PRKCZ: variants seen among roughly 807,000 people sequenced by gnomAD.
PRKCZ encodes the protein protein kinase C zeta, also known as protein kinase C zeta type.
Under a neutral mutation model 79.5 loss-of-function variants are expected in PRKCZ, and 33 were observed. The ratio of observed to expected loss-of-function variants is 0.41; its 90% CI spans 0.31 to 0.55. PRKCZ has a LOEUF of 0.55. PRKCZ is among the 20% of genes least tolerant of loss of function. The pLI is 0.19. For missense variants in PRKCZ, 578 were observed against 813.5 expected, an observed-to-expected ratio of 0.71 and a Z score of 3.52; for synonymous variants, 342 against 320.9, an observed-to-expected ratio of 1.07 and a Z score of -0.70.
chr1:2,095,454 A>C (rs2102526657), intron 4 of PRKCZ, among the ~76,000 whole-genome samples: 1 of 152,222 alleles, frequency 6.6e-6, no homozygotes, highest in South Asian at 2.1e-4. Flanking sequence ...GTGCCCACCG[A>C]GGGCCCAGGG....
intron 11 of PRKCZ, among the ~76,000 whole-genome samples, chr1:2,171,203 T>C (rs897833752): frequency 6.6e-6 from 1 of 151,154 alleles, no homozygotes; most frequent in African/African-American, 2.4e-5. Context: ...ATTATCCAGG[T>C]GTGGTGGCGG....
chr1:2,146,087 C>T lies in PRKCZ; in HGVS notation c.613C>T (p.Pro205Ser), dbSNP rs780788418. ...CGACAAGAACGAGGACGCCGACCTT[C>T]CTTCCGAGGAGACAGATGGAAGTAG... ...VDDKNEDADL[P>S]SEETDGIAYI... Residue 205 changes from proline (P) to serine (S), a missense_variant, in exon 7 of 18, where the codon CCT becomes TCT. Physicochemically the swap from Pro to Ser is moderately conservative, Grantham distance 74. This residue lies in a region of PRKCZ where 91 missense variants were observed against 97.5 expected (regional missense o/e 0.93). Coordinates refer to ENST00000378567, the MANE Select transcript of PRKCZ (RefSeq NM_002744.6). The T allele has an allele frequency of 6.2e-6, 10 of 1,614,068 alleles. No homozygotes were observed. The South Asian group carries it at 1.1e-4, about 18-fold the overall frequency.
intron 4 of PRKCZ, among the ~76,000 whole-genome samples, chr1:2,078,501 C>T (rs1297886830): frequency 6.6e-6 from 1 of 152,124 alleles, no homozygotes; most frequent in Admixed American, 6.6e-5. Flanking sequence ...CTTCAGGGTT[C>T]TCAAGTTTCA....
At chr1:2,096,784 G>T (rs1010491348) in intron 4 of PRKCZ, among the ~76,000 whole-genome samples, 3 of 152,174 alleles carry the variant, frequency 2.0e-5, no homozygotes, top group Admixed American at 6.5e-5. Flanking sequence ...CGAGGTCAGG[G>T]GCAGCCAAGG....
intron 4 of PRKCZ, chr1:2,104,809 G>A: frequency 7.1e-6 from 7 of 985,972 alleles, no homozygotes; most frequent in Non-Finnish European, 8.4e-6. Flanking sequence ...AGGGAGAGTT[G>A]GAGGGCGCTT....
chr1:2,088,652 T>G (rs1316531995), intron 4 of PRKCZ, among the ~76,000 whole-genome samples: 2 of 152,162 alleles, frequency 1.3e-5, no homozygotes, highest in Non-Finnish European at 2.9e-5. Flanking sequence ...CACCTCTCCT[T>G]TCTAGGTCAG....
At chr1:2,118,426 C>G (rs987716628) in intron 4 of PRKCZ, among the ~76,000 whole-genome samples, 1 of 151,802 alleles carries the variant, frequency 6.6e-6, no homozygotes. Flanking sequence ...CAAGCTCTGC[C>G]TCCTGGGTTC....
At chr1:2,112,847 G>A (rs1278919258) in intron 4 of PRKCZ, among the ~76,000 whole-genome samples, 1 of 152,144 alleles carries the variant, frequency 6.6e-6, no homozygotes, top group Non-Finnish European at 1.5e-5. Context: ...TCGCCACCAT[G>A]TCTGGCTATT....
rs988384476 is a variant in PRKCZ, at chr1:2,106,777, C to T, written c.335-28485C>T. On this transcript the variant is annotated intron_variant, in intron 4 of 17. Coordinates refer to ENST00000378567, the MANE Select transcript of PRKCZ (RefSeq NM_002744.6). ...CCCCTCTGGTGGGCGAGGACCTCCA[C>T]ACGTGTCACCAGGCCAGGTGACTCT... 3.1e-3 allele frequency among the ~76,000 whole-genome samples: 362 copies of T among 117,596 alleles called. 27 individuals are homozygous for T. Among genetic ancestry groups the T allele is most frequent in the South Asian group, 6.7e-3 (24 of 3,590 alleles). The allele number at this position is 117,596 out of a possible 152,430, so 77.1% of individuals were successfully genotyped here.
At position 2,104,725 on chromosome 1, in the gene PRKCZ, CTCGG is replaced by C. The variant is rs1396516641; in HGVS notation, c.335-30535_335-30532del. The C allele has an allele frequency of 1.5e-4, 150 of 985,760 alleles. No homozygotes were observed. In the African/African-American group the frequency reaches 2.5e-3, roughly 16 times the overall value. 61.1% of individuals were successfully genotyped at this position (985,760 alleles called of 1,614,324 possible). On this transcript the variant is annotated intron_variant, in intron 4 of 17. Transcript: ENST00000378567. ...CTGGCGAGGGGTGGTCAGAACATCGCTCGGTGCCAGACAGGCAGGACGCAGCGGG... is the reference window on the plus strand; with the variant it reads ...CTGGCGAGGGGTGGTCAGAACATCGCTGCCAGACAGGCAGGACGCAGCGGG...
intron 4 of PRKCZ, among the ~76,000 whole-genome samples, chr1:2,081,043 TG>T (rs1663408011): frequency 6.6e-6 from 1 of 152,322 alleles, no homozygotes; most frequent in South Asian, 2.1e-4. Flanking sequence ...GCGGTGTGTT[TG>T]TCGGCTCACA....
intron 4 of PRKCZ, among the ~76,000 whole-genome samples, chr1:2,083,772 ATTC>A (rs1416372336): frequency 1.1e-4 from 16 of 151,968 alleles, no homozygotes; most frequent in African/African-American, 2.4e-4. Flanking sequence ...AAACGTGGGT[ATTC>A]TTCTTTGATA....
intron 5 of PRKCZ, chr1:2,143,993 T>G (rs1677953164): frequency 1.7e-6 from 1 of 587,060 alleles, no homozygotes. Flanking sequence ...TCCAGGCCTC[T>G]CCTTGGGGCC....
chr1:2,103,505 C>A (rs936579574), intron 4 of PRKCZ, among the ~76,000 whole-genome samples: 1 of 152,150 alleles, frequency 6.6e-6, no homozygotes, highest in Non-Finnish European at 1.5e-5. Flanking sequence ...GCTGCCCCCA[C>A]CCCAGCCCAA....
At chr1:2,057,216 A>C (rs746634349) in intron 3 of PRKCZ, among the ~76,000 whole-genome samples, 2 of 152,140 alleles carry the variant, frequency 1.3e-5, no homozygotes, top group Non-Finnish European at 2.9e-5. Flanking sequence ...CCTCAGCTTT[A>C]AGTTCAAAGC....
chr1:2,154,209 C>A (rs573971657), intron 9 of PRKCZ, among the ~76,000 whole-genome samples: 54 of 152,260 alleles, frequency 3.5e-4, no homozygotes, highest in African/African-American at 1.3e-3. Flanking sequence ...GGAGGAGATG[C>A]GGGCTGGCGA....
At chr1:2,053,388 C>T (rs1486808831) in intron 1 of PRKCZ, among the ~76,000 whole-genome samples, 2 of 152,164 alleles carry the variant, frequency 1.3e-5, no homozygotes, top group Non-Finnish European at 2.9e-5. Flanking sequence ...CGTGAGTCAC[C>T]GCGCCTGGCC....
At chr1:2,105,588 C>T (rs899131028) in intron 4 of PRKCZ, among the ~76,000 whole-genome samples, 2 of 152,088 alleles carry the variant, frequency 1.3e-5, no homozygotes, top group Admixed American at 6.5e-5. Context: ...TTAGTAGAGA[C>T]GGGGTTTCAC....
At chr1:2,071,756 AT>A (rs2102306282) in intron 4 of PRKCZ, among the ~76,000 whole-genome samples, 1 of 152,298 alleles carries the variant, frequency 6.6e-6, no homozygotes, top group African/African-American at 2.4e-5. Flanking sequence ...ACCAGGATAA[AT>A]GCGTATTTCC....
Sources: gnomAD v4.1 joint callset for allele counts (sites outside exome capture counted in the v4.1 genomes callset) on GRCh38, gnomAD v4.1.1 for gene constraint, gnomAD v4.1.1 regional missense constraint, MANE v1.5 for transcripts, NCBI Gene and HGNC (gene_info 2026-07-23, HGNC 2026-07-21) for gene names.